The following RAB23 variants were observed in gnomAD, a reference collection of about 807,000 sequenced individuals.
The protein encoded by RAB23 is ras-related protein Rab-23.
Under a neutral mutation model 30.0 loss-of-function variants are expected in RAB23, and 15 were observed. That is an observed-to-expected ratio of 0.50 (90% CI 0.33 to 0.77). The LOEUF is 0.77. Among genes scored for constraint, RAB23 ranks in the 30% least tolerant of loss-of-function variants. RAB23 has a pLI of 0.02. For synonymous variants in RAB23, 93 were observed against 94.0 expected (o/e 0.99, Z 0.06); for missense variants, 243 against 275.4 (o/e 0.88, Z 0.83).
chr6:57,217,451 C>T (rs971880986), intron 1 of RAB23, among the ~76,000 whole-genome samples: 3 of 152,042 alleles, frequency 2.0e-5, no homozygotes, highest in South Asian at 2.1e-4. Context: ...TGGGACTACA[C>T]GCATGCATCA....
Position 57,205,028 on chromosome 6 carries a change from GTA to G in RAB23, c.241+2598_241+2599del, listed in dbSNP as rs941941042. ...TGTTTACATAGATACATACATATAT[GTA>G]TATGTGTATATATACATCTGTTTAT... On this transcript the variant is annotated intron_variant, in intron 3 of 6. Coordinates refer to ENST00000468148, the MANE Select transcript of RAB23 (RefSeq NM_016277.5). Among the ~76,000 whole-genome samples the G allele has an allele frequency of 5.2e-4, 79 of 150,958 alleles. 3 individuals carry two copies. Among genetic ancestry groups the G allele is most frequent in the Admixed American group, 1.2e-3 (18 of 15,118 alleles).
chr6:57,206,705 A>AT (rs1765467611), intron 3 of RAB23, among the ~76,000 whole-genome samples: 1 of 152,170 alleles, frequency 6.6e-6, no homozygotes, highest in Admixed American at 6.6e-5. Context: ...GTCTTGAGGA[A>AT]TGTGAGTATG....
Position 57,197,293 on chromosome 6 carries a change from ATATTG to A in RAB23, c.242-692_242-688del, listed in dbSNP as rs374861040. Among the ~76,000 whole-genome samples the A allele has an allele frequency of 4.5e-4, 69 of 152,332 alleles. 1 individual carries two copies. The East Asian group carries it at 6.8e-3, about 15-fold the overall frequency. On this transcript the variant is annotated intron_variant, in intron 3 of 6. Transcript: ENST00000468148. The stretch of plus-strand genomic sequence containing the variant: ...TTTAACTGCATAATTTTACCCACCC[ATATTG>A]TATCCATTGACAATATTTTAACCAT...
chr6:57,213,215 G>A (rs1194609436), intron 1 of RAB23, among the ~76,000 whole-genome samples: 4 of 152,172 alleles, frequency 2.6e-5, no homozygotes, highest in Admixed American at 1.3e-4. Context: ...GACAGGAGGC[G>A]GAGCTCAGGC....
chr6:57,199,339 G>C (rs1299124812), intron 3 of RAB23, among the ~76,000 whole-genome samples: 5 of 152,224 alleles, frequency 3.3e-5, no homozygotes, highest in Non-Finnish European at 4.4e-5. Flanking sequence ...CTGAGCCCCA[G>C]TGGCCCACAG....
At chr6:57,194,307 CTAAA>C (rs1178180663) in intron 5 of RAB23, among the ~76,000 whole-genome samples, 1 of 151,846 alleles carries the variant, frequency 6.6e-6, no homozygotes, top group Non-Finnish European at 1.5e-5. Flanking sequence ...TAGTTGCAAT[CTAAA>C]TAAGTGGCAA....
At chr6:57,209,100 A>C (rs1765553306) in intron 2 of RAB23, among the ~76,000 whole-genome samples, 1 of 152,222 alleles carries the variant, frequency 6.6e-6, no homozygotes, top group Non-Finnish European at 1.5e-5. Context: ...GAAAAAGCAC[A>C]AAATGTAAAA....
intron 3 of RAB23, among the ~76,000 whole-genome samples, chr6:57,204,984 G>T: frequency 6.6e-6 from 1 of 151,362 alleles, no homozygotes; most frequent in East Asian, 1.9e-4. Flanking sequence ...ACATACATAT[G>T]TGTACATATG....
intron 1 of RAB23, among the ~76,000 whole-genome samples, chr6:57,211,643 T>C (rs1593224938): frequency 6.6e-6 from 1 of 152,226 alleles, no homozygotes; most frequent in South Asian, 2.1e-4. Context: ...ATTGGACTCT[T>C]AGTTATAATG....
intron 6 of RAB23, 74 bp from the exon 7 acceptor site, chr6:57,190,674 A>C (rs1215682663): frequency 2.6e-6 from 4 of 1,528,734 alleles, no homozygotes; most frequent in Non-Finnish European, 3.6e-6. Context: ...CTTGTTAGTA[A>C]AATCAGTAAT....
At chr6:57,194,547 TAATAATA>T (rs1378987634) in intron 5 of RAB23, among the ~76,000 whole-genome samples, 1 of 152,018 alleles carries the variant, frequency 6.6e-6, no homozygotes, top group Non-Finnish European at 1.5e-5. Flanking sequence ...TTTTCAAAGA[TAATAATA>T]AAAATGGAAA....
chr6:57,188,308 C>CAG lies in RAB23; in HGVS notation c.*2151_*2152dup, dbSNP rs1399899440. 6.6e-6 allele frequency: 1 copy of CAG among 152,078 alleles called. No homozygotes were observed. The highest frequency in any genetic ancestry group is 1.5e-5 in the Non-Finnish European group (1 of 67,978). 9.4% of individuals were successfully genotyped at this position (152,078 alleles called of 1,614,324 possible). A position where few individuals can be genotyped will look rare whatever the true frequency, so the allele number is the denominator to read the frequency against. On this transcript the variant is annotated 3_prime_UTR_variant, in exon 7 of 7. Coordinates refer to ENST00000468148, the MANE Select transcript of RAB23 (RefSeq NM_016277.5). ...AATTATGGTTAGGTTTAAAATACAG[C>CAG]AGTGCAAATTAAAAATTCAAATATG...
At chr6:57,215,807 A>G (rs551232174) in intron 1 of RAB23, among the ~76,000 whole-genome samples, 3 of 152,364 alleles carry the variant, frequency 2.0e-5, no homozygotes, top group Non-Finnish European at 4.4e-5. Flanking sequence ...AAAAATTATA[A>G]AACTGTCCAA....
At chr6:57,212,733 A>G (rs1765700265) in intron 1 of RAB23, among the ~76,000 whole-genome samples, 1 of 151,858 alleles carries the variant, frequency 6.6e-6, no homozygotes, top group South Asian at 2.1e-4. Flanking sequence ...AAAAAAAAAA[A>G]AAAATTGGCC....
chr6:57,204,434 A>T (rs1363444255), intron 3 of RAB23, among the ~76,000 whole-genome samples: 1 of 152,180 alleles, frequency 6.6e-6, no homozygotes, highest in African/African-American at 2.4e-5. Flanking sequence ...AAGTCAGAAG[A>T]ATTTCCATTG....
At chr6:57,207,396 C>T (rs969789170) in intron 3 of RAB23, among the ~76,000 whole-genome samples, 18 of 152,170 alleles carry the variant, frequency 1.2e-4, no homozygotes, top group Admixed American at 1.1e-3. Flanking sequence ...GGAATGCCTA[C>T]ATGAGTCATA....
chr6:57,216,816 G>T (rs923014618), intron 1 of RAB23, among the ~76,000 whole-genome samples: 1 of 152,118 alleles, frequency 6.6e-6, no homozygotes, highest in Admixed American at 6.5e-5. Context: ...ATGATATAAG[G>T]TAACTTCCAG....
rs1764785479 is a variant in RAB23, at chr6:57,190,224, CAG to C, written c.*235_*236del. ...ATTTCTTATAGCATTCCTTTACAAA[CAG>C]GAGAAGCTTCGTCTAATGTAAAAAA... On this transcript the variant is annotated 3_prime_UTR_variant, in exon 7 of 7. Coordinates refer to ENST00000468148, the MANE Select transcript of RAB23 (RefSeq NM_016277.5). 2.1e-6 allele frequency: 1 copy of C among 466,976 alleles called. No homozygotes were observed. The highest frequency in any genetic ancestry group is 3.8e-6 in the Non-Finnish European group (1 of 260,186). The allele number at this position is 466,976 out of a possible 1,614,324, so 28.9% of individuals were successfully genotyped here.
chr6:57,207,032 C>T (rs1224536037), intron 3 of RAB23, among the ~76,000 whole-genome samples: 2 of 152,132 alleles, frequency 1.3e-5, no homozygotes, highest in Admixed American at 1.3e-4. Context: ...TACAGGAACA[C>T]TGAAAATGGT....
Sources: gnomAD v4.1 joint callset for allele counts (sites outside exome capture counted in the v4.1 genomes callset) on GRCh38, gnomAD v4.1.1 for gene constraint, MANE v1.5 for transcripts, NCBI Gene and HGNC (gene_info 2026-07-23, HGNC 2026-07-21) for gene names.